KCNC1: variants seen among roughly 807,000 people sequenced by gnomAD.
KCNC1 encodes voltage-gated potassium channel KCNC1.
Under a neutral mutation model 43.4 loss-of-function variants are expected in KCNC1, and 8 were observed. The observed-to-expected ratio is 0.18, with a 90% CI of 0.11 to 0.33. KCNC1 has a LOEUF of 0.33. Ranked by LOEUF, KCNC1 falls within the 10% of genes least tolerant of loss-of-function variation. The probability of loss-of-function intolerance (pLI) is 1.00; values close to 1 mark genes in which losing one functional copy is unlikely to be tolerated. For missense variants in KCNC1, 420 were observed against 836.0 expected, an observed-to-expected ratio of 0.50 and a Z score of 6.14; for synonymous variants, 361 against 360.5, an observed-to-expected ratio of 1.00 and a Z score of -0.01.
chr11:17,740,190 C>G (rs566896344), intron 1 of KCNC1, among the ~76,000 whole-genome samples: 24 of 152,304 alleles, frequency 1.6e-4, no homozygotes, highest in Non-Finnish European at 2.8e-4. Context: ...GCTGGGGCAG[C>G]TGCTCCCCTG....
At position 17,779,248 on chromosome 11, in the gene KCNC1, T is replaced by C. The variant is rs1590109708; in HGVS notation, c.1505-208T>C. On this transcript the variant is annotated intron_variant, in intron 2 of 3. Coordinates refer to ENST00000265969, the MANE Select transcript of KCNC1 (RefSeq NM_001112741.2). The surrounding 1 kb of genome is among the most constrained non-coding windows in gnomAD (Gnocchi z 7.2). Reference sequence around the variant, plus strand: ...ACCCAGGAGTCCCCACTCCCAGCACTGTGGGCAGCCCGAAGGCTGCCTGAA... The same window carrying C: ...ACCCAGGAGTCCCCACTCCCAGCACCGTGGGCAGCCCGAAGGCTGCCTGAA... 1 of 523,842 alleles carries C rather than the reference T, an allele frequency of 1.9e-6. No individual in the cohort carries two copies. The highest frequency in any genetic ancestry group is 3.2e-5 in the East Asian group (1 of 31,688). 32.4% of individuals were successfully genotyped at this position (523,842 alleles called of 1,614,324 possible).
intron 2 of KCNC1, chr11:17,774,762 G>A: frequency 1.0e-6 from 1 of 985,474 alleles, no homozygotes; most frequent in East Asian, 1.1e-4. Context: ...GCCCTCTGGA[G>A]CTTGGATGCC....
intron 2 of KCNC1, chr11:17,775,514 C>G: frequency 3.0e-6 from 3 of 985,500 alleles, no homozygotes; most frequent in Non-Finnish European, 3.6e-6. Flanking sequence ...GCTAGGAGGG[C>G]GCCCTGGCAC....
chr11:17,752,193 C>T (rs181216852), intron 1 of KCNC1, among the ~76,000 whole-genome samples: 1 of 152,162 alleles, frequency 6.6e-6, no homozygotes, highest in African/African-American at 2.4e-5. Flanking sequence ...ATGCTTCTGG[C>T]CTGGAGCAGA....
At position 17,776,804 on chromosome 11, in the gene KCNC1, C is replaced by T. The variant is rs1849293558; in HGVS notation, c.1505-2652C>T. The T allele has an allele frequency of 4.7e-5, 46 of 985,376 alleles. No homozygotes were observed. The highest frequency in any genetic ancestry group is 5.5e-5 in the Non-Finnish European group (46 of 830,000). 61.0% of individuals were successfully genotyped at this position (985,376 alleles called of 1,614,324 possible). On this transcript the variant is annotated intron_variant, in intron 2 of 3. Coordinates refer to ENST00000265969, the MANE Select transcript of KCNC1 (RefSeq NM_001112741.2). The surrounding 1 kb of genome is among the most constrained non-coding windows in gnomAD (Gnocchi z 4.4). ...TTCCCCAGATTTATACAGTTGGCCCCTCGTTGGTTTCTCTTTCTTCAAGCC... is the reference window on the plus strand; with the variant it reads ...TTCCCCAGATTTATACAGTTGGCCCTTCGTTGGTTTCTCTTTCTTCAAGCC...
At chr11:17,770,973 G>A (rs1382005944) in intron 1 of KCNC1, among the ~76,000 whole-genome samples, 1 of 152,150 alleles carries the variant, frequency 6.6e-6, no homozygotes, top group Non-Finnish European at 1.5e-5. Flanking sequence ...CCAAGGACAG[G>A]GAACTCATTA....
intron 3 of KCNC1, chr11:17,780,976 G>C (rs1313032081): frequency 6.6e-6 from 1 of 152,300 alleles, no homozygotes; most frequent in Non-Finnish European, 1.5e-5. Context: ...GTTCCCCTTT[G>C]CGACTGGCTT....
Position 17,779,240 on chromosome 11 carries a change from C to T in KCNC1, c.1505-216C>T, listed in dbSNP as rs1849319286. 5.8e-6 allele frequency: 3 copies of T among 516,940 alleles called. No homozygotes were observed. The highest frequency in any genetic ancestry group is 1.0e-5 in the Non-Finnish European group (3 of 295,486). The allele number at this position is 516,940 out of a possible 1,614,324, so 32.0% of individuals were successfully genotyped here. A position where few individuals can be genotyped will look rare whatever the true frequency, so the allele number is the denominator to read the frequency against. The stretch of plus-strand genomic sequence containing the variant: ...TTGAGCAAACCCAGGAGTCCCCACT[C>T]CCAGCACTGTGGGCAGCCCGAAGGC... On this transcript the variant is annotated intron_variant, in intron 2 of 3. Transcript: ENST00000265969. This position sits in a 1 kb window ranked among gnomAD's most constrained non-coding sequence, Gnocchi z 7.2.
chr11:17,765,604 TC>T (rs1849139586), intron 1 of KCNC1, among the ~76,000 whole-genome samples: 1 of 152,228 alleles, frequency 6.6e-6, no homozygotes, highest in Admixed American at 6.5e-5. Context: ...GGTGGGTCTC[TC>T]ACGGTTTGTG....
chr11:17,739,379 G>C lies in KCNC1; in HGVS notation c.570+2807G>C, dbSNP rs1848810746. On this transcript the variant is annotated intron_variant, in intron 1 of 3. Coordinates refer to ENST00000265969, the MANE Select transcript of KCNC1 (RefSeq NM_001112741.2). This position sits in a 1 kb window ranked among gnomAD's most constrained non-coding sequence, Gnocchi z 4.2. ...ACTCCAGGCGTGTGTGTGTGTGTGT[G>C]TGTGTGTGTGTGTGTGTGTGGTGAG... 6.7e-6 allele frequency among the ~76,000 whole-genome samples: 1 copy of C among 150,004 alleles called. No homozygotes were observed. The highest frequency in any genetic ancestry group is 2.4e-5 in the African/African-American group (1 of 41,058).
chr11:17,766,510 T>C (rs373489184), intron 1 of KCNC1, among the ~76,000 whole-genome samples: 5 of 152,136 alleles, frequency 3.3e-5, no homozygotes, highest in Non-Finnish European at 7.4e-5. Flanking sequence ...GGTTGTCACA[T>C]AGGCTTTTCT....
intron 1 of KCNC1, among the ~76,000 whole-genome samples, chr11:17,741,055 T>C (rs958884502): frequency 6.6e-6 from 1 of 151,782 alleles, no homozygotes. Context: ...AGGGCCCCAC[T>C]TGGAGTCATG....
Position 17,736,239 on chromosome 11 carries a change from A to T in KCNC1, c.237A>T (p.Pro79=), listed in dbSNP as rs1288459812. Residue 79 remains proline, a synonymous_variant, in exon 1 of 4, where the codon CCA becomes CCT. Coordinates refer to ENST00000265969, the MANE Select transcript of KCNC1 (RefSeq NM_001112741.2). This position sits in a 1 kb window ranked among gnomAD's most constrained non-coding sequence, Gnocchi z 9.3. The part of the protein sequence containing the change: ...NYYRTGKLHC[P]ADVCGPLYEE... ...ACCGCACGGGCAAGCTGCACTGCCCAGCCGACGTGTGCGGGCCGCTCTACG... is the reference window on the plus strand; with the variant it reads ...ACCGCACGGGCAAGCTGCACTGCCCTGCCGACGTGTGCGGGCCGCTCTACG... 6.2e-7 allele frequency: 1 copy of T among 1,613,800 alleles called. No homozygotes were observed.
chr11:17,774,012 C>T (rs781363115), intron 2 of KCNC1: 5 of 985,412 alleles, frequency 5.1e-6, no homozygotes, highest in African/African-American at 3.5e-5. Context: ...TGACCCACCA[C>T]CCCATCCCAA....
intron 1 of KCNC1, among the ~76,000 whole-genome samples, chr11:17,769,623 C>T (rs1032367535): frequency 1.3e-5 from 2 of 151,914 alleles, no homozygotes; most frequent in Non-Finnish European, 2.9e-5. Context: ...AGGAGGCTTA[C>T]CTGAGGCCAG....
intron 1 of KCNC1, among the ~76,000 whole-genome samples, chr11:17,761,765 A>ATT (rs1849081205): frequency 6.6e-6 from 1 of 152,164 alleles, no homozygotes. Context: ...GGCTGGTGGC[A>ATT]TCAGAGCCTC....
chr11:17,748,026 G>A (rs1848920893), intron 1 of KCNC1, among the ~76,000 whole-genome samples: 2 of 152,232 alleles, frequency 1.3e-5, no homozygotes, highest in South Asian at 2.1e-4. Flanking sequence ...TATTTATTGA[G>A]CATCTACTAT....
chr11:17,764,401 A>T (rs374676568), intron 1 of KCNC1, among the ~76,000 whole-genome samples: 1 of 152,088 alleles, frequency 6.6e-6, no homozygotes, highest in Non-Finnish European at 1.5e-5. Context: ...ATATCTGTCC[A>T]TGCACACACA....
At chr11:17,747,728 C>T (rs1041209289) in intron 1 of KCNC1, among the ~76,000 whole-genome samples, 2 of 152,198 alleles carry the variant, frequency 1.3e-5, no homozygotes, top group African/African-American at 4.8e-5. Flanking sequence ...TCAGATGCTG[C>T]CTCAGTGTGA....
Sources: allele counts gnomAD v4.1 joint callset (sites outside exome capture counted in the v4.1 genomes callset), GRCh38; gene constraint gnomAD v4.1.1; non-coding constraint Gnocchi (gnomAD v3.1); transcripts MANE v1.5; gene names NCBI Gene and HGNC (gene_info 2026-07-23, HGNC 2026-07-21).